Variants in STK3 observed in about 807,000 individuals in gnomAD.
STK3 encodes serine/threonine kinase 3, also known as serine/threonine-protein kinase 3.
STK3 carries 41 observed loss-of-function variants against 58.0 expected under a neutral mutation model. That is an observed-to-expected ratio of 0.71 (90% CI 0.55 to 0.92). The LOEUF (loss-of-function observed/expected upper bound fraction) is 0.92, where lower values mean the gene tolerates loss of function less well. Among genes scored for constraint, STK3 ranks in the 40% least tolerant of loss-of-function variants. STK3 has a pLI of 0.00. For missense variants in STK3, 479 were observed against 602.7 expected (o/e 0.79, Z 2.15); for synonymous variants, 170 against 191.0 (o/e 0.89, Z 0.91).
intron 10 of STK3, among the ~76,000 whole-genome samples, chr8:98,500,749 T>C (rs1178129460): frequency 6.6e-6 from 1 of 152,216 alleles, no homozygotes; most frequent in Non-Finnish European, 1.5e-5. Context: ...CATCCCTTTT[T>C]TATGGCTGCA....
chr8:98,769,560 G>C (rs28616023), intron 2 of STK3, among the ~76,000 whole-genome samples: 3,337 of 152,254 alleles, frequency 0.022, 125 homozygotes, highest in African/African-American at 0.075. Flanking sequence ...CCAGTCCCAG[G>C]TATGTCTTTA....
intron 6 of STK3, chr8:98,602,398 G>C (rs1356460351): frequency 6.6e-6 from 1 of 152,214 alleles, no homozygotes; most frequent in Non-Finnish European, 1.5e-5. Context: ...CACATAGAAG[G>C]TGCCTTCTAT....
At chr8:98,911,587 T>C (rs773218335) in intron 1 of STK3, among the ~76,000 whole-genome samples, 1 of 151,830 alleles carries the variant, frequency 6.6e-6, no homozygotes, top group Non-Finnish European at 1.5e-5. Context: ...AGAGACGGGG[T>C]TTCATCGTGT....
At chr8:98,489,180 AAGTG>A (rs902636128) in intron 10 of STK3, among the ~76,000 whole-genome samples, 1 of 152,128 alleles carries the variant, frequency 6.6e-6, no homozygotes, top group African/African-American at 2.4e-5. Context: ...ACATTCCTAG[AAGTG>A]AGTGAGAGGA....
At chr8:98,522,378 T>C (rs2131460167) in intron 10 of STK3, among the ~76,000 whole-genome samples, 1 of 152,270 alleles carries the variant, frequency 6.6e-6, no homozygotes, top group South Asian at 2.1e-4. Context: ...AATAATTCCT[T>C]CCATCTCATA....
chr8:98,770,560 G>A (rs547521998), intron 2 of STK3, among the ~76,000 whole-genome samples: 1 of 152,306 alleles, frequency 6.6e-6, no homozygotes, highest in Non-Finnish European at 1.5e-5. Context: ...TATTAAGTGA[G>A]ATGCTAAGTG....
At chr8:98,738,318 T>C (rs1040320367) in intron 4 of STK3, among the ~76,000 whole-genome samples, 2 of 151,576 alleles carry the variant, frequency 1.3e-5, no homozygotes, top group East Asian at 1.9e-4. Context: ...ACTAAAAATA[T>C]AAAAATTAGC....
chr8:98,625,889 T>C (rs1194907102), intron 6 of STK3, among the ~76,000 whole-genome samples: 1 of 152,144 alleles, frequency 6.6e-6, no homozygotes, highest in Non-Finnish European at 1.5e-5. Flanking sequence ...CAGGCCTGCA[T>C]AGGATGCTGA....
At chr8:98,794,136 A>C (rs1424008221) in intron 1 of STK3, among the ~76,000 whole-genome samples, 3 of 152,198 alleles carry the variant, frequency 2.0e-5, no homozygotes, top group African/African-American at 7.2e-5. Flanking sequence ...CTAGAAACAA[A>C]AGAACAAACT....
rs534532702 is a variant in STK3 at position 98,692,863 on chromosome 8, T to C, written c.684+13604A>G. ...CTCTATTTGAAAGAAGAGAACATAT[T>C]ATGGGGAGTGTAGTGAGTTGAAAAA... On this transcript the variant is annotated intron_variant, in intron 6 of 10. Coordinates refer to ENST00000419617, the MANE Select transcript of STK3 (RefSeq NM_006281.4). Among the ~76,000 whole-genome samples the C allele has an allele frequency of 1.1e-3, 172 of 152,130 alleles. 1 individual carries two copies. The highest frequency in any genetic ancestry group is 2.1e-3 in the Non-Finnish European group (145 of 68,016).
At chr8:98,557,028 C>T (rs952725057) in intron 8 of STK3, among the ~76,000 whole-genome samples, 9 of 152,172 alleles carry the variant, frequency 5.9e-5, no homozygotes, top group Admixed American at 5.2e-4. Context: ...TATACTTTGT[C>T]ACTTGACCAT....
At chr8:98,710,788 G>C (rs1396662128) in intron 4 of STK3, among the ~76,000 whole-genome samples, 1 of 152,238 alleles carries the variant, frequency 6.6e-6, no homozygotes, top group African/African-American at 2.4e-5. Context: ...TTTGAAGAGA[G>C]TAGTGGTTCT....
chr8:98,744,713 C>T (rs904552394), intron 4 of STK3, among the ~76,000 whole-genome samples: 7 of 151,366 alleles, frequency 4.6e-5, no homozygotes, highest in African/African-American at 7.3e-5. Context: ...GCACATGTAC[C>T]CTAAAACTTA....
chr8:98,537,922 G>A (rs1020524075), intron 9 of STK3, among the ~76,000 whole-genome samples: 1 of 151,984 alleles, frequency 6.6e-6, no homozygotes, highest in Non-Finnish European at 1.5e-5. Flanking sequence ...TAGAAAATAC[G>A]TCAGTCCACC....
At chr8:98,589,776 C>T (rs1282882560) in intron 7 of STK3, among the ~76,000 whole-genome samples, 1 of 152,224 alleles carries the variant, frequency 6.6e-6, no homozygotes. Flanking sequence ...ACCCTCTGAG[C>T]CAGGTGCGGG....
intron 10 of STK3, among the ~76,000 whole-genome samples, chr8:98,486,538 C>A (rs950277257): frequency 3.9e-5 from 6 of 152,164 alleles, no homozygotes; most frequent in Non-Finnish European, 7.3e-5. Context: ...ATTTTCACAT[C>A]AAATCACCAG....
chr8:98,352,496 A>G, the STK3 span, among the ~76,000 whole-genome samples: 2 of 152,204 alleles, frequency 1.3e-5, no homozygotes, highest in Non-Finnish European at 2.9e-5. Context: ...TGACGATGGC[A>G]TTGTTAACAC....
chr8:98,352,136 C>CAA, the STK3 span, among the ~76,000 whole-genome samples: 881 of 110,170 alleles, frequency 8.0e-3, 22 homozygotes, highest in African/African-American at 0.02. Context: ...GACTCTGTCT[C>CAA]AAAAAAAAAA....
intron 6 of STK3, among the ~76,000 whole-genome samples, chr8:98,655,449 C>T (rs1057059688): frequency 6.6e-6 from 1 of 152,102 alleles, no homozygotes. Context: ...TCTAAAATGC[C>T]AAAAGCAATG....
Sources: gnomAD v4.1 joint callset for allele counts (sites outside exome capture counted in the v4.1 genomes callset) on GRCh38, gnomAD v4.1.1 for gene constraint, MANE v1.5 for transcripts, NCBI Gene and HGNC (gene_info 2026-07-23, HGNC 2026-07-21) for gene names.